CABIN1: variants seen among roughly 807,000 people sequenced by gnomAD.
CABIN1 encodes calcineurin binding protein 1, also known as calcineurin-binding protein cabin-1.
CABIN1 carries 133 observed loss-of-function variants against 227.7 expected under a neutral mutation model. That is an observed-to-expected ratio of 0.58 (90% CI 0.51 to 0.67). The LOEUF (loss-of-function observed/expected upper bound fraction) is 0.67, where lower values mean the gene tolerates loss of function less well. CABIN1 is among the 30% of genes least tolerant of loss of function. The pLI is 0.00. For missense variants in CABIN1, 2,408 were observed against 2,852.5 expected (o/e 0.84, Z 3.55); for synonymous variants, 1,086 against 1,155.1 (o/e 0.94, Z 1.21).
chr22:24,059,455 TG>T, intron 11 of CABIN1, 92 bp downstream of exon 11: 1 of 1,500,532 alleles, frequency 6.7e-7, no homozygotes, highest in South Asian at 1.2e-5. Flanking sequence ...AGAATGGTTC[TG>T]GGGTGTTTTT....
chr22:24,062,483 G>A (rs2039271124), intron 13 of CABIN1, among the ~76,000 whole-genome samples: 1 of 149,600 alleles, frequency 6.7e-6, no homozygotes, highest in East Asian at 2.0e-4. Flanking sequence ...TCAGCCTCCC[G>A]AGGAGCTGGG....
At chr22:24,053,813 C>A (rs1288053049) in intron 8 of CABIN1, among the ~76,000 whole-genome samples, 1 of 152,054 alleles carries the variant, frequency 6.6e-6, no homozygotes, top group East Asian at 1.9e-4. Context: ...GGTAATCAGT[C>A]ACCCAGAGAA....
chr22:24,111,792 A>G (rs147739271), intron 26 of CABIN1, among the ~76,000 whole-genome samples: 2 of 152,332 alleles, frequency 1.3e-5, no homozygotes, highest in East Asian at 3.9e-4. Flanking sequence ...AACCATTGTA[A>G]GTTGGAGATT....
At chr22:24,116,851 C>A (rs2043115343) in intron 27 of CABIN1, among the ~76,000 whole-genome samples, 1 of 152,244 alleles carries the variant, frequency 6.6e-6, no homozygotes, top group Non-Finnish European at 1.5e-5. Flanking sequence ...GGCTCCTGTG[C>A]TCTGTTGGCC....
intron 23 of CABIN1, among the ~76,000 whole-genome samples, chr22:24,091,067 G>A (rs1433743812): frequency 2.0e-5 from 3 of 152,190 alleles, no homozygotes; most frequent in African/African-American, 7.2e-5. Flanking sequence ...CCAGTCAGTG[G>A]CTCTTAAGTG....
rs146248697 is a variant in CABIN1 at position 24,055,066 on chromosome 22, G to T, written c.1000G>T (p.Ala334Ser). ...PSTVSTNPAV[A>S]VAEPVVSYTS... Reference sequence around the variant, plus strand: ...CACTGTCAGCACCAACCCAGCTGTGGCTGTCGCCGAGCCTGTGGTCTCCTA... The same window carrying T: ...CACTGTCAGCACCAACCCAGCTGTGTCTGTCGCCGAGCCTGTGGTCTCCTA... Residue 334 changes from alanine (A) to serine (S), a missense_variant, in exon 9 of 37, where the codon GCT (alanine) becomes TCT (serine). Physicochemically the swap from Ala to Ser is moderately conservative, Grantham distance 99. Around this residue, in one of 3 missense-constraint regions of CABIN1, gnomAD observed 1,045 missense variants for 1,168.4 expected, o/e 0.89. Transcript: ENST00000263119. 1.7e-4 allele frequency: 277 copies of T among 1,614,126 alleles called. No individual in the cohort carries two copies. The highest frequency in any genetic ancestry group is 2.2e-4 in the Non-Finnish European group (262 of 1,180,060).
rs1042987890 is a variant in CABIN1, at chr22:24,178,618, A to G, written c.*422A>G. The G allele has an allele frequency of 3.6e-6, 1 of 280,740 alleles. No homozygotes were observed. The highest frequency in any genetic ancestry group is 2.2e-5 in the African/African-American group (1 of 45,716). 17.4% of individuals were successfully genotyped at this position (280,740 alleles called of 1,614,324 possible). The stretch of plus-strand genomic sequence containing the variant: ...TTTTTTGGTTGCTTTTCTAATAAAG[A>G]TGGAACAGTTGTCTTTGCCTCTTTG... On this transcript the variant is annotated 3_prime_UTR_variant, in exon 37 of 37. Transcript: ENST00000263119.
intron 26 of CABIN1, among the ~76,000 whole-genome samples, chr22:24,098,973 C>A (rs1408481349): frequency 6.6e-6 from 1 of 152,126 alleles, no homozygotes; most frequent in East Asian, 1.9e-4. Context: ...GGGAAACAGG[C>A]CTTGCTCTGC....
At position 24,041,121 on chromosome 22, in the gene CABIN1, G is replaced by C. The variant is rs753118300; in HGVS notation, c.211-18G>C. On this transcript the variant is annotated intron_variant, in intron 4 of 36. Coordinates refer to ENST00000263119, the MANE Select transcript of CABIN1 (RefSeq NM_012295.4). ...GCTTCAAGGTCTAGTTGTCACTTCT[G>C]TTCTGTTTTGTTCACAGGCAGTTTC... 1 of 1,613,994 alleles carries C rather than the reference G, an allele frequency of 6.2e-7. No homozygotes were observed. Among genetic ancestry groups the C allele is most frequent in the East Asian group, 2.2e-5 (1 of 44,902 alleles).
intron 26 of CABIN1, among the ~76,000 whole-genome samples, chr22:24,104,677 C>T (rs992788158): frequency 6.6e-6 from 1 of 152,214 alleles, no homozygotes; most frequent in African/African-American, 2.4e-5. Flanking sequence ...TCTTCTCAGC[C>T]TGACAATGGG....
intron 19 of CABIN1, among the ~76,000 whole-genome samples, chr22:24,082,971 G>C (rs2040907156): frequency 1.3e-5 from 2 of 152,224 alleles, no homozygotes; most frequent in South Asian, 4.1e-4. Context: ...TAGGTGTGCT[G>C]AAAGAAAGGC....
intron 1 of CABIN1, among the ~76,000 whole-genome samples, chr22:24,028,951 G>T (rs1440299633): frequency 6.6e-6 from 1 of 152,044 alleles, no homozygotes; most frequent in Non-Finnish European, 1.5e-5. Flanking sequence ...CATGTAGAGG[G>T]GACATTTAGA....
At chr22:24,096,184 A>T (rs1389738899) in intron 25 of CABIN1, 102 bp downstream of exon 25, 5 of 1,349,578 alleles carry the variant, frequency 3.7e-6, no homozygotes, top group Non-Finnish European at 5.3e-6. Flanking sequence ...TACACAGTAA[A>T]CAGTAAACTA....
chr22:24,170,421 A>C (rs2046726286), intron 33 of CABIN1, among the ~76,000 whole-genome samples: 1 of 152,196 alleles, frequency 6.6e-6, no homozygotes, highest in Non-Finnish European at 1.5e-5. Flanking sequence ...CCCACGGCTG[A>C]GGCCCGCTCC....
intron 29 of CABIN1, among the ~76,000 whole-genome samples, chr22:24,161,861 C>T (rs2046174829): frequency 6.6e-6 from 1 of 152,032 alleles, no homozygotes; most frequent in Admixed American, 6.5e-5. Context: ...AGGGGCTGTC[C>T]CTTGTACCTG....
intron 6 of CABIN1, among the ~76,000 whole-genome samples, chr22:24,043,993 AT>A (rs1486346159): frequency 6.6e-6 from 1 of 152,180 alleles, no homozygotes; most frequent in Non-Finnish European, 1.5e-5. Flanking sequence ...AGCAAGGCAA[AT>A]TTGAGGTCCT....
chr22:24,132,444 G>C (rs938680241), intron 28 of CABIN1, among the ~76,000 whole-genome samples: 3 of 152,194 alleles, frequency 2.0e-5, no homozygotes, highest in Non-Finnish European at 4.4e-5. Flanking sequence ...GGGATAGGGT[G>C]GGGTGGAGTG....
chr22:24,063,998 C>A (rs1318130815), intron 14 of CABIN1, 37 bp from the exon 15 acceptor site: 1 of 1,613,420 alleles, frequency 6.2e-7, no homozygotes, highest in Non-Finnish European at 8.5e-7. Flanking sequence ...AGTCAGTCTT[C>A]TGCTTTGGTT....
intron 29 of CABIN1, among the ~76,000 whole-genome samples, chr22:24,136,739 GCACACACACACACACA>G (rs200091743): frequency 1.4e-5 from 2 of 139,720 alleles, no homozygotes; most frequent in South Asian, 2.3e-4. Flanking sequence ...ACACACACAC[GCACACACACACACACA>G]CACACACACA....
Sources: gnomAD v4.1 joint callset for allele counts (sites outside exome capture counted in the v4.1 genomes callset) on GRCh38, gnomAD v4.1.1 for gene constraint, gnomAD v4.1.1 regional missense constraint, MANE v1.5 for transcripts, NCBI Gene and HGNC (gene_info 2026-07-23, HGNC 2026-07-21) for gene names.